RNF217: variants seen among roughly 807,000 people sequenced by gnomAD.
RNF217 encodes ring finger protein 217, also known as E3 ubiquitin-protein ligase RNF217.
A neutral mutation model predicts 57.8 loss-of-function variants in RNF217; 31 were observed. That is an observed-to-expected ratio of 0.54 (90% CI 0.40 to 0.72). RNF217 has a LOEUF of 0.72. Among genes scored for constraint, RNF217 ranks in the 30% least tolerant of loss-of-function variants. The probability of loss-of-function intolerance (pLI) is 0.00; values close to 1 mark genes in which losing one functional copy is unlikely to be tolerated. For missense variants in RNF217, 696 were observed against 708.3 expected (o/e 0.98, Z 0.20); for synonymous variants, 313 against 294.0 (o/e 1.06, Z -0.66).
At chr6:125,000,789 A>G (rs1784949193) in intron 1 of RNF217, among the ~76,000 whole-genome samples, 1 of 152,104 alleles carries the variant, frequency 6.6e-6, no homozygotes, top group African/African-American at 2.4e-5. Flanking sequence ...TATTACTGGA[A>G]GGGGTAGTCC....
At chr6:125,077,110 G>C (rs1004474603) in intron 4 of RNF217, among the ~76,000 whole-genome samples, 1 of 152,082 alleles carries the variant, frequency 6.6e-6, no homozygotes, top group African/African-American at 2.4e-5. Flanking sequence ...GAAGTTATTT[G>C]CCTCTTAAAT....
intron 3 of RNF217, among the ~76,000 whole-genome samples, chr6:125,062,779 G>A (rs536993119): frequency 6.6e-6 from 1 of 152,204 alleles, no homozygotes; most frequent in South Asian, 2.1e-4. Flanking sequence ...GTTTCACCAC[G>A]TTGACCAGCT....
At chr6:125,041,209 T>A (rs1786868397) in intron 1 of RNF217, among the ~76,000 whole-genome samples, 1 of 152,094 alleles carries the variant, frequency 6.6e-6, no homozygotes, top group Admixed American at 6.6e-5. Flanking sequence ...TTTGTCAATT[T>A]AAAAAAATCT....
At chr6:125,018,825 G>A (rs1785710637) in intron 1 of RNF217, among the ~76,000 whole-genome samples, 1 of 152,108 alleles carries the variant, frequency 6.6e-6, no homozygotes, top group South Asian at 2.1e-4. Context: ...GACTGGAGGT[G>A]TGCACTGGAG....
chr6:124,999,077 C>A (rs1371238466), intron 1 of RNF217, among the ~76,000 whole-genome samples: 8 of 152,178 alleles, frequency 5.3e-5, no homozygotes, highest in Admixed American at 3.9e-4. Flanking sequence ...AACACAACTT[C>A]TTTCTTAAGG....
intron 1 of RNF217, chr6:125,009,117 G>A (rs1265467289): frequency 1.0e-6 from 1 of 970,380 alleles, no homozygotes. Flanking sequence ...AGAAATGTAT[G>A]TATAAAGGGA....
At chr6:125,003,984 A>G (rs2114303754) in intron 1 of RNF217, among the ~76,000 whole-genome samples, 1 of 152,296 alleles carries the variant, frequency 6.6e-6, no homozygotes, top group East Asian at 1.9e-4. Flanking sequence ...AATGATGTCA[A>G]GTGCTGCAAA....
At chr6:124,991,773 C>T (rs974658906) in intron 1 of RNF217, among the ~76,000 whole-genome samples, 2 of 152,092 alleles carry the variant, frequency 1.3e-5, no homozygotes, top group African/African-American at 4.8e-5. Flanking sequence ...TGCTAATAGC[C>T]ACATGGTACT....
chr6:125,009,214 A>G, intron 1 of RNF217: 1 of 1,600,098 alleles, frequency 6.2e-7, no homozygotes, highest in Non-Finnish European at 8.5e-7. Context: ...GAGTAGGAGA[A>G]TCAAAGCTGT....
chr6:124,964,808 C>T (rs1783471610), intron 1 of RNF217, among the ~76,000 whole-genome samples: 1 of 152,174 alleles, frequency 6.6e-6, no homozygotes, highest in East Asian at 1.9e-4. Flanking sequence ...CGCTGCCCTG[C>T]GATGGGATTC....
chr6:125,041,821 A>G (rs1351799478), intron 1 of RNF217, among the ~76,000 whole-genome samples: 2 of 152,040 alleles, frequency 1.3e-5, no homozygotes, highest in Admixed American at 6.6e-5. Flanking sequence ...CCAGAAGTCC[A>G]TCACACTACC....
intron 3 of RNF217, among the ~76,000 whole-genome samples, chr6:125,064,932 T>C (rs1214675784): frequency 6.6e-6 from 1 of 152,008 alleles, no homozygotes; most frequent in Non-Finnish European, 1.5e-5. Flanking sequence ...TAGAATTAGC[T>C]TCTGAATATA....
At chr6:125,049,754 C>CA (rs1255785719) in intron 2 of RNF217, among the ~76,000 whole-genome samples, 1 of 151,668 alleles carries the variant, frequency 6.6e-6, no homozygotes, top group Non-Finnish European at 1.5e-5. Flanking sequence ...TTGAGAAGGG[C>CA]ATGGGGGAGT....
intron 1 of RNF217, chr6:124,983,230 A>G (rs1466192475): frequency 2.0e-5 from 5 of 244,952 alleles, no homozygotes; most frequent in Non-Finnish European, 3.3e-5. Context: ...TCTTTGGACC[A>G]TTACCCAAAA....
At chr6:124,983,680 T>TATA (rs1784258371) in intron 1 of RNF217, among the ~76,000 whole-genome samples, 4 of 152,194 alleles carry the variant, frequency 2.6e-5, no homozygotes, top group African/African-American at 9.7e-5. Flanking sequence ...ATATTTCAAA[T>TATA]GCAGTATTTT....
chr6:124,983,412 G>A (rs1582668150), intron 1 of RNF217: 1 of 984,992 alleles, frequency 1.0e-6, no homozygotes, highest in Non-Finnish European at 1.2e-6. Context: ...AAGGTAGAGA[G>A]TGAAATATGG....
chr6:125,056,969 A>G (rs970817861), intron 2 of RNF217, among the ~76,000 whole-genome samples: 14 of 152,216 alleles, frequency 9.2e-5, no homozygotes, highest in Admixed American at 8.5e-4. Context: ...ACCCCTCCAC[A>G]TAGTGAAATA....
chr6:124,984,172 A>G (rs369583390), intron 1 of RNF217, among the ~76,000 whole-genome samples: 1 of 152,210 alleles, frequency 6.6e-6, no homozygotes, highest in African/African-American at 2.4e-5. Context: ...CAAACAAATT[A>G]CTGGAACAGA....
chr6:125,076,651 A>T lies in RNF217; in HGVS notation c.1282-6A>T. The T allele has an allele frequency of 6.2e-7, 1 of 1,603,130 alleles. No homozygotes were observed. Among genetic ancestry groups the T allele is most frequent in the South Asian group, 1.1e-5 (1 of 90,884 alleles). On this transcript the variant is annotated splice_region_variant and splice_polypyrimidine_tract_variant and intron_variant, in intron 3 of 5. Transcript: ENST00000521654. ...TTCCTTCTCCTTCCCTCTCTTGCTG[A>T]TACAGATCCACATCCAGCGAACTGA...
Sources: allele counts gnomAD v4.1 joint callset (sites outside exome capture counted in the v4.1 genomes callset), GRCh38; gene constraint gnomAD v4.1.1; transcripts MANE v1.5; gene names NCBI Gene and HGNC (gene_info 2026-07-23, HGNC 2026-07-21).